RELL1: variants seen among roughly 807,000 people sequenced by gnomAD.
The protein encoded by RELL1 is RELT like 1.
A neutral mutation model predicts 23.0 loss-of-function variants in RELL1; 10 were observed. That is an observed-to-expected ratio of 0.43 (90% CI 0.27 to 0.74). The LOEUF is 0.74. RELL1 is among the 30% of genes least tolerant of loss of function. The pLI, the probability that RELL1 is intolerant of heterozygous loss-of-function variation, is 0.19. For missense variants in RELL1, 315 were observed against 364.4 expected (o/e 0.86, Z 1.10); for synonymous variants, 146 against 146.8 (o/e 0.99, Z 0.04).
At chr4:37,623,670 C>G (rs895071774) in intron 6 of RELL1, among the ~76,000 whole-genome samples, 1 of 152,158 alleles carries the variant, frequency 6.6e-6, no homozygotes, top group African/African-American at 2.4e-5. Context: ...CTCCACATTT[C>G]AGATGGACTC....
downstream of RELL1, chr4:37,588,573 C>T: frequency 2.7e-6 from 1 of 366,306 alleles, no homozygotes; most frequent in Non-Finnish European, 5.0e-6. Flanking sequence ...TCCTCATCTG[C>T]AAAATGGGGA....
chr4:37,602,336 C>A (rs1719038021), intron 6 of RELL1, among the ~76,000 whole-genome samples: 1 of 151,472 alleles, frequency 6.6e-6, no homozygotes, highest in Admixed American at 6.6e-5. Context: ...TTCACCAGCC[C>A]CTAGCCCACA....
At chr4:37,668,679 C>G (rs1011458234) in intron 1 of RELL1, among the ~76,000 whole-genome samples, 1 of 150,692 alleles carries the variant, frequency 6.6e-6, no homozygotes, top group African/African-American at 2.5e-5. Flanking sequence ...GGCCGCCCAT[C>G]GTCTGGGATG....
chr4:37,605,797 A>AGAGAGAAAGAAAGAGAGAGAG (rs772155221), downstream of RELL1, among the ~76,000 whole-genome samples: 3 of 90,424 alleles, frequency 3.3e-5, no homozygotes, highest in Admixed American at 3.6e-4. Flanking sequence ...AAGAAAGAGA[A>AGAGAGAAAGAAAGAGAGAGAG]AGAAAGAAAG....
intron 1 of RELL1, chr4:37,665,187 T>C: frequency 2.2e-6 from 1 of 453,830 alleles, no homozygotes; most frequent in Non-Finnish European, 4.4e-6. Context: ...TAGAACAGAA[T>C]ATCCAGTGTA....
intron 6 of RELL1, among the ~76,000 whole-genome samples, chr4:37,629,015 G>A (rs1020073353): frequency 4.6e-5 from 7 of 152,272 alleles, no homozygotes; most frequent in African/African-American, 1.4e-4. Context: ...CTAGAGTACC[G>A]CTCTCTGGGC....
rs139499074 is a variant in RELL1 at position 37,681,146 on chromosome 4, C to T, written c.88+5054G>A. Reference sequence around the variant, plus strand: ...ATGGCTTGGCTACTTAACTCCTATGCAACAGTAGCAAACTCTAATCTGAGG... The same window carrying T: ...ATGGCTTGGCTACTTAACTCCTATGTAACAGTAGCAAACTCTAATCTGAGG... On this transcript the variant is annotated intron_variant, in intron 1 of 6. Transcript: ENST00000454158. Among the ~76,000 whole-genome samples the T allele has an allele frequency of 5.2e-3, 793 of 152,168 alleles. 10 individuals are homozygous for T. Among genetic ancestry groups the T allele is most frequent in the African/African-American group, 0.018 (762 of 41,510 alleles).
At chr4:37,591,907 T>G (rs1468350326) in intron 6 of RELL1, 2 of 152,150 alleles carry the variant, frequency 1.3e-5, no homozygotes, top group African/African-American at 4.8e-5. Context: ...TTACTTTCAA[T>G]GTAAAGAACT....
At chr4:37,591,728 A>G (rs961463732) in intron 6 of RELL1, 8 of 152,218 alleles carry the variant, frequency 5.3e-5, no homozygotes, top group Admixed American at 1.3e-4. Context: ...TGCTTATGTC[A>G]TATTTGGATT....
At chr4:37,637,673 T>C (rs896922664) in intron 4 of RELL1, among the ~76,000 whole-genome samples, 1 of 152,164 alleles carries the variant, frequency 6.6e-6, no homozygotes, top group Non-Finnish European at 1.5e-5. Flanking sequence ...TGTTCCTCCA[T>C]GGCAAGGGTC....
intron 1 of RELL1, among the ~76,000 whole-genome samples, chr4:37,662,762 C>T (rs1721399097): frequency 6.6e-6 from 1 of 151,902 alleles, no homozygotes; most frequent in Non-Finnish European, 1.5e-5. Context: ...GCTACAGCCA[C>T]CCCCATCCCC....
intron 2 of RELL1, 134 bp from the exon 3 acceptor site, chr4:37,647,573 G>A: frequency 1.7e-6 from 1 of 599,132 alleles, no homozygotes; most frequent in South Asian, 2.1e-5. Flanking sequence ...TACAATTCTA[G>A]GCTTTCTCCC....
intron 3 of RELL1, among the ~76,000 whole-genome samples, chr4:37,641,839 G>A (rs568559703): frequency 1.6e-4 from 25 of 152,260 alleles, no homozygotes; most frequent in African/African-American, 5.8e-4. Context: ...GCGCCGGCAC[G>A]TGCCAGTCAC....
At chr4:37,655,805 C>A (rs1721096554) in intron 1 of RELL1, among the ~76,000 whole-genome samples, 1 of 152,178 alleles carries the variant, frequency 6.6e-6, no homozygotes, top group African/African-American at 2.4e-5. Flanking sequence ...GGAAGAACAG[C>A]CAGAGCTCCA....
At chr4:37,660,756 G>A (rs1297234026) in intron 1 of RELL1, among the ~76,000 whole-genome samples, 2 of 152,188 alleles carry the variant, frequency 1.3e-5, no homozygotes, top group Non-Finnish European at 1.5e-5. Context: ...AAGAGGCCGG[G>A]CGCGGTGGCT....
chr4:37,590,481 C>G, downstream of RELL1: 1 of 1,611,394 alleles, frequency 6.2e-7, no homozygotes, highest in Non-Finnish European at 8.5e-7. Flanking sequence ...GAGGGGGCAC[C>G]AGGAAACAGG....
At chr4:37,646,564 G>A (rs1456454160) in intron 3 of RELL1, among the ~76,000 whole-genome samples, 1 of 152,106 alleles carries the variant, frequency 6.6e-6, no homozygotes, top group Non-Finnish European at 1.5e-5. Context: ...ACTGAAGGGT[G>A]CACTTTAAAA....
intron 1 of RELL1, among the ~76,000 whole-genome samples, chr4:37,663,281 G>A (rs1721417658): frequency 6.6e-6 from 1 of 152,162 alleles, no homozygotes; most frequent in Non-Finnish European, 1.5e-5. Flanking sequence ...AGCACCGTCT[G>A]TCTCCTGGGA....
intron 1 of RELL1, among the ~76,000 whole-genome samples, chr4:37,654,260 T>G (rs1010329338): frequency 6.6e-6 from 1 of 152,242 alleles, no homozygotes; most frequent in African/African-American, 2.4e-5. Flanking sequence ...AGTTCCTCAG[T>G]TGCATTAGCC....
Sources: allele counts gnomAD v4.1 joint callset (sites outside exome capture counted in the v4.1 genomes callset), GRCh38; gene constraint gnomAD v4.1.1; transcripts MANE v1.5; gene names NCBI Gene and HGNC (gene_info 2026-07-23, HGNC 2026-07-21).